The following NTNG2 variants were observed in gnomAD, a reference collection of about 807,000 sequenced individuals.
NTNG2 encodes netrin G2.
In NTNG2, 15 loss-of-function variants were observed where a neutral mutation model predicts 47.6. That is an observed-to-expected ratio of 0.32 (90% CI 0.21 to 0.49). The LOEUF (loss-of-function observed/expected upper bound fraction) is 0.49, where lower values mean the gene tolerates loss of function less well. Among genes scored for constraint, NTNG2 ranks in the 20% least tolerant of loss-of-function variants. The pLI is 0.99. For synonymous variants in NTNG2, 307 were observed against 324.6 expected, an observed-to-expected ratio of 0.95 and a Z score of 0.58; for missense variants, 578 against 764.6, an observed-to-expected ratio of 0.76 and a Z score of 2.88.
chr9:132,175,961 A>G (rs112308607), intron 2 of NTNG2, among the ~76,000 whole-genome samples: 1 of 152,168 alleles, frequency 6.6e-6, no homozygotes, highest in Admixed American at 6.5e-5. Context: ...CTAGATGTAT[A>G]CCCCGGGCTC....
intron 2 of NTNG2, among the ~76,000 whole-genome samples, chr9:132,171,324 C>A (rs181267285): frequency 3.7e-4 from 57 of 152,350 alleles, no homozygotes; most frequent in Non-Finnish European, 7.3e-4. Flanking sequence ...GCCCACCTCA[C>A]CGACTTCCTG....
At chr9:132,238,044 G>A (rs1456093043) in intron 5 of NTNG2, among the ~76,000 whole-genome samples, 5 of 151,518 alleles carry the variant, frequency 3.3e-5, no homozygotes, top group African/African-American at 9.7e-5. Context: ...TCACAAAAGG[G>A]AAGCTGGGTC....
At chr9:132,216,619 T>TA (rs1303026251) in intron 3 of NTNG2, among the ~76,000 whole-genome samples, 2 of 152,098 alleles carry the variant, frequency 1.3e-5, no homozygotes. Flanking sequence ...TGTTCATTAT[T>TA]AAATCATCCT....
At chr9:132,178,981 A>C (rs1836713919) in intron 2 of NTNG2, among the ~76,000 whole-genome samples, 1 of 140,630 alleles carries the variant, frequency 7.1e-6, no homozygotes, top group South Asian at 2.2e-4. Context: ...AAAAAAAAAA[A>C]ACTACTGATG....
intron 3 of NTNG2, among the ~76,000 whole-genome samples, chr9:132,213,785 A>C (rs7018926): frequency 0.61 from 92,735 of 152,170 alleles, 30,739 homozygotes; most frequent in African/African-American, 0.89. Context: ...CTGTGTTAAA[A>C]TAGTAGTCTA....
chr9:132,216,408 CTCTCTCTGTGTGTGTGTGTATGTGTG>C (rs1182127544), intron 3 of NTNG2, among the ~76,000 whole-genome samples: 110 of 94,580 alleles, frequency 1.2e-3, no homozygotes, highest in African/African-American at 6.3e-3. Context: ...CTCTCTCTCT[CTCTCTCTGTGTGTGTGTGTATGTGTG>C]TGTGTGTGTG....
Position 132,226,915 on chromosome 9 carries a change from G to A in NTNG2, c.924G>A (p.Glu308=), listed in dbSNP as rs777524445. ...AGGGCAGCCTGCAGTGCGAGTGCGA[G>A]CACAACACCACCGGCCCCGACTGCG... ...MREGSLQCEC[E]HNTTGPDCGK... is the part of the protein sequence containing the mutation. Residue 308 remains glutamate (E), a synonymous_variant, in exon 4 of 8, where the codon GAG becomes GAA. Transcript: ENST00000393229. This position sits in a 1 kb window ranked among gnomAD's most constrained non-coding sequence, Gnocchi z 4.8. The A allele has an allele frequency of 4.3e-6, 7 of 1,612,884 alleles. No homozygotes were observed. In the Admixed American group the frequency reaches 1.2e-4, roughly 27 times the overall value.
Position 132,166,625 on chromosome 9 carries a change from C to T in NTNG2, c.-207C>T, listed in dbSNP as rs908393320. The T allele has an allele frequency of 2.7e-5, 16 of 592,594 alleles. No individual in the cohort carries two copies. Among genetic ancestry groups the T allele is most frequent in the East Asian group, 1.7e-4 (6 of 35,504 alleles). The allele number at this position is 592,594 out of a possible 1,614,324, so 36.7% of individuals were successfully genotyped here. On this transcript the variant is annotated 5_prime_UTR_variant, in exon 2 of 8. In the 5' UTR this introduces an upstream ATG that the reference lacks. Coordinates refer to ENST00000393229, the MANE Select transcript of NTNG2 (RefSeq NM_032536.4). ...ATCTGTCCATCAGCAGTCTGAGAAA[C>T]GCTGGCTCTGAATTTTCCGTGTCGG...
At chr9:132,194,729 A>G (rs1290196250) in intron 2 of NTNG2, among the ~76,000 whole-genome samples, 1 of 152,230 alleles carries the variant, frequency 6.6e-6, no homozygotes, top group Non-Finnish European at 1.5e-5. Flanking sequence ...GGGCCTGAGG[A>G]CAGAGCTATT....
chr9:132,238,743 G>T (rs1262100600), intron 5 of NTNG2, among the ~76,000 whole-genome samples: 2 of 152,226 alleles, frequency 1.3e-5, no homozygotes, highest in African/African-American at 2.4e-5. Context: ...TGCCCTCCTT[G>T]CATGAATCAC....
chr9:132,168,651 C>T (rs527603895), intron 2 of NTNG2, among the ~76,000 whole-genome samples: 10 of 152,128 alleles, frequency 6.6e-5, no homozygotes, highest in Middle Eastern at 6.8e-3. Flanking sequence ...CAGGGCCAAG[C>T]AAGGGGGCTG....
At chr9:132,178,786 CAAAAAA>C (rs57942639) in intron 2 of NTNG2, among the ~76,000 whole-genome samples, 28,741 of 93,526 alleles carry the variant, frequency 0.31, 2,975 homozygotes, top group Non-Finnish European at 0.35. Flanking sequence ...ACTAAAAATA[CAAAAAA>C]AAAAAAAAAA....
At chr9:132,219,003 C>T (rs1589505079) in intron 3 of NTNG2, among the ~76,000 whole-genome samples, 1 of 152,092 alleles carries the variant, frequency 6.6e-6, no homozygotes, top group East Asian at 1.9e-4. Flanking sequence ...TTAGGTTATT[C>T]ACAGAGTTGT....
chr9:132,235,896 C>T (rs1841590774), intron 5 of NTNG2, among the ~76,000 whole-genome samples: 1 of 152,088 alleles, frequency 6.6e-6, no homozygotes, highest in African/African-American at 2.4e-5. Flanking sequence ...GCCTGGGGAG[C>T]TCTAGGGCAC....
intron 3 of NTNG2, among the ~76,000 whole-genome samples, chr9:132,220,741 C>G (rs565137984): frequency 6.6e-6 from 1 of 152,282 alleles, no homozygotes; most frequent in East Asian, 1.9e-4. Flanking sequence ...AGCCACCGCA[C>G]CTGGCTCCCT....
chr9:132,162,908 G>A lies in NTNG2; in HGVS notation c.-484+669G>A, dbSNP rs1472068655. Among the ~76,000 whole-genome samples, 2 of 152,134 alleles carry A rather than the reference G, an allele frequency of 1.3e-5. No individual in the cohort carries two copies. Among genetic ancestry groups the A allele is most frequent in the Non-Finnish European group, 2.9e-5 (2 of 68,018 alleles). On this transcript the variant is annotated intron_variant, in intron 1 of 7. Transcript: ENST00000393229. This position sits in a 1 kb window ranked among gnomAD's most constrained non-coding sequence, Gnocchi z 4.6. Reference sequence around the variant, plus strand: ...CTGGAACTGAGCGGCGCGCAGGTGGGGGGAGCAGAGGCGGCGGGAAGGCGG... The same window carrying A: ...CTGGAACTGAGCGGCGCGCAGGTGGAGGGAGCAGAGGCGGCGGGAAGGCGG...
intron 2 of NTNG2, among the ~76,000 whole-genome samples, chr9:132,168,124 C>T (rs546022799): frequency 1.1e-4 from 16 of 152,318 alleles, no homozygotes; most frequent in African/African-American, 3.1e-4. Context: ...CCAGGGGTGA[C>T]GGGTAAAGGC....
intron 3 of NTNG2, among the ~76,000 whole-genome samples, chr9:132,209,082 C>T (rs1460268427): frequency 1.3e-5 from 2 of 152,228 alleles, no homozygotes; most frequent in South Asian, 2.1e-4. Context: ...ACCCATTCTC[C>T]GTGGAAGGAC....
intron 7 of NTNG2, chr9:132,241,522 G>C (rs954926126): frequency 2.8e-6 from 1 of 351,218 alleles, no homozygotes; most frequent in East Asian, 6.3e-5. Context: ...CGGGGACAGA[G>C]GGAGGGAGGC....
Sources: allele counts gnomAD v4.1 joint callset (sites outside exome capture counted in the v4.1 genomes callset), GRCh38; gene constraint gnomAD v4.1.1; non-coding constraint Gnocchi (gnomAD v3.1); transcripts MANE v1.5; gene names NCBI Gene and HGNC (gene_info 2026-07-23, HGNC 2026-07-21).